Variants in FBP2 observed in about 807,000 individuals in gnomAD.
FBP2 encodes fructose-bisphosphatase 2.
FBP2 carries 27 observed loss-of-function variants against 31.6 expected under a neutral mutation model. That is an observed-to-expected ratio of 0.85 (90% confidence interval 0.63 to 1.18). FBP2 has a LOEUF of 1.18. Ranked by LOEUF, FBP2 falls within the 50% of genes most tolerant of loss-of-function variation. FBP2 has a pLI of 0.00. For synonymous variants in FBP2, 168 were observed against 179.8 expected (o/e 0.93, Z 0.53); for missense variants, 421 against 436.1 (o/e 0.97, Z 0.31).
At position 94,593,689 on chromosome 9, in the gene FBP2, G is replaced by A; in HGVS notation, c.38C>T (p.Thr13Ile). ...CTTTTCCATAACGTAGCGGGTCAGGGTGAGCATGTCGGTTTCGAAGGGGCT... is the reference window on the plus strand; with the variant it reads ...CTTTTCCATAACGTAGCGGGTCAGGATGAGCATGTCGGTTTCGAAGGGGCT... ...DRSPFETDML[T>I]LTRYVMEKGR... Residue 13 changes from threonine to isoleucine, a missense_variant, in exon 1 of 7, where the codon ACC (threonine) becomes ATC (isoleucine). Thr to Ile is a moderately conservative substitution (Grantham distance 89). Coordinates refer to ENST00000375337, the MANE Select transcript of FBP2 (RefSeq NM_003837.4). The A allele has an allele frequency of 2.5e-6, 4 of 1,614,242 alleles. No homozygotes were observed. Among genetic ancestry groups the A allele is most frequent in the Non-Finnish European group, 3.4e-6 (4 of 1,180,028 alleles).
intron 3 of FBP2, 106 bp from the exon 4 acceptor site, chr9:94,571,708 G>C: frequency 9.4e-7 from 1 of 1,062,152 alleles, no homozygotes. Context: ...AGGAAGCGCG[G>C]TTCTTTGAAT....
intron 1 of FBP2, among the ~76,000 whole-genome samples, chr9:94,587,972 C>A (rs1475515146): frequency 6.6e-6 from 1 of 152,188 alleles, no homozygotes; most frequent in Non-Finnish European, 1.5e-5. Flanking sequence ...CCTCAGCCTC[C>A]GGAGTAGCTG....
In FBP2 at chr9:94,593,614, A is replaced by G; in HGVS notation, c.113T>C (p.Met38Thr). 1.2e-6 allele frequency: 2 copies of G among 1,614,172 alleles called. No individual in the cohort carries two copies. The highest frequency in any genetic ancestry group is 1.7e-5 in the Admixed American group (1 of 60,028). Reference protein sequence around the residue: ...TGELTQLLNSMLTAIKAISSA... With the variant: ...TGELTQLLNSTLTAIKAISSA... The stretch of plus-strand genomic sequence containing the variant: ...GGAGATGGCTTTGATGGCCGTCAGC[A>G]TTGAGTTCAGCAGCTGGGTGAGCTC... The change falls in exon 1 of 7, where the codon ATG becomes ACG. Residue 38 changes from methionine to threonine, a missense_variant. Coordinates refer to ENST00000375337, the MANE Select transcript of FBP2 (RefSeq NM_003837.4).
At chr9:94,560,964 G>A (rs1003928151) in intron 6 of FBP2, among the ~76,000 whole-genome samples, 2 of 152,002 alleles carry the variant, frequency 1.3e-5, no homozygotes, top group African/African-American at 4.8e-5. Flanking sequence ...CCAGAAGGGT[G>A]TAAAAAAGTT....
At chr9:94,560,560 C>G (rs913940656) in intron 6 of FBP2, among the ~76,000 whole-genome samples, 5 of 152,080 alleles carry the variant, frequency 3.3e-5, no homozygotes, top group South Asian at 2.1e-4. Flanking sequence ...TCTCCATTAT[C>G]ACCTTACGAA....
chr9:94,569,518 T>TA (rs1346749368), intron 4 of FBP2: 1 of 152,286 alleles, frequency 6.6e-6, no homozygotes, highest in African/African-American at 2.4e-5. Flanking sequence ...GAAAACGCCT[T>TA]ACGTTGATCC....
intron 3 of FBP2, among the ~76,000 whole-genome samples, chr9:94,575,171 C>T (rs1007219950): frequency 5.9e-5 from 9 of 152,042 alleles, no homozygotes; most frequent in Non-Finnish European, 2.9e-5. Flanking sequence ...ATATAATATA[C>T]ACTTATGTGT....
intron 5 of FBP2, among the ~76,000 whole-genome samples, chr9:94,565,712 C>A (rs1035679232): frequency 1.3e-5 from 2 of 149,912 alleles, no homozygotes; most frequent in Admixed American, 1.4e-4. Flanking sequence ...AGAAATCTCT[C>A]AGTTAAAGAT....
At chr9:94,590,398 G>T (rs779215261) in intron 1 of FBP2, among the ~76,000 whole-genome samples, 32 of 151,944 alleles carry the variant, frequency 2.1e-4, no homozygotes, top group African/African-American at 6.5e-4. Context: ...TTGCATTCAC[G>T]GAGCCCTTGC....
In FBP2 at chr9:94,571,571, G is replaced by T. The variant is rs752378188; in HGVS notation, c.458C>A (p.Ala153Asp). Residue 153 changes from alanine to aspartate, a missense_variant, in exon 4 of 7, where the codon GCC becomes GAC. By Grantham distance (126) the Ala-to-Asp change is moderately radical (BLOSUM62 -2). Transcript: ENST00000375337. ...CACAATATTGCGGCCACACTGCAGG[G>T]CATCCTTTTCAGAAGGCTCATCCTC... ...TSEDEPSEKD[A>D]LQCGRNIVAA... The T allele has an allele frequency of 1.2e-6, 2 of 1,613,598 alleles. No homozygotes were observed. The highest frequency in any genetic ancestry group is 1.7e-6 in the Non-Finnish European group (2 of 1,179,694).
At position 94,559,138 on chromosome 9, in the gene FBP2, G is replaced by C; in HGVS notation, c.826-6C>G. The C allele has an allele frequency of 1.2e-6, 2 of 1,606,814 alleles. No homozygotes were observed. The highest frequency in any genetic ancestry group is 2.2e-5 in the South Asian group (2 of 90,744). ...CATTCATACAGGAGCCGGAGCTGTG[G>C]AGGAACAGAGGCAGGTGAGTAAACT... On this transcript the variant is annotated splice_polypyrimidine_tract_variant and splice_region_variant and intron_variant, in intron 6 of 6. Transcript: ENST00000375337.
chr9:94,571,877 C>A (rs1407655360), intron 3 of FBP2, among the ~76,000 whole-genome samples: 2 of 152,140 alleles, frequency 1.3e-5, no homozygotes, highest in Non-Finnish European at 2.9e-5. Context: ...ATGCTAAAAC[C>A]GTAGCCCCTC....
In FBP2 at chr9:94,582,766, T is replaced by C. The variant is rs188477725; in HGVS notation, c.426+1811A>G. On this transcript the variant is annotated intron_variant, in intron 3 of 6. Coordinates refer to ENST00000375337, the MANE Select transcript of FBP2 (RefSeq NM_003837.4). Reference sequence around the variant, plus strand: ...GGTTTCACCATGTTAGCCAGGATGGTCTCGATCTCCTGACCTCGTGATTCG... The same window carrying C: ...GGTTTCACCATGTTAGCCAGGATGGCCTCGATCTCCTGACCTCGTGATTCG... Among the ~76,000 whole-genome samples the C allele has an allele frequency of 1.6e-4, 24 of 151,780 alleles. No homozygotes were observed. The East Asian group carries it at 4.3e-3, about 27-fold the overall frequency.
At chr9:94,582,828 A>G (rs1036048932) in intron 3 of FBP2, among the ~76,000 whole-genome samples, 7 of 147,358 alleles carry the variant, frequency 4.8e-5, no homozygotes, top group Non-Finnish European at 1.0e-4. Flanking sequence ...GATTACAGGC[A>G]TGAGCCACCC....
At chr9:94,563,217 C>T (rs1827134796) in intron 6 of FBP2, 125 bp downstream of exon 6, 4 of 1,101,162 alleles carry the variant, frequency 3.6e-6, no homozygotes, top group Admixed American at 2.9e-5. Context: ...TTCATTTTTC[C>T]TCCCCTGCCC....
At chr9:94,562,104 G>A (rs1827115037) in intron 6 of FBP2, among the ~76,000 whole-genome samples, 1 of 152,012 alleles carries the variant, frequency 6.6e-6, no homozygotes, top group Non-Finnish European at 1.5e-5. Context: ...GAGGTCAGGA[G>A]ATCGAGACCA....
intron 1 of FBP2, among the ~76,000 whole-genome samples, chr9:94,592,627 CA>C (rs1827514726): frequency 6.6e-6 from 1 of 152,192 alleles, no homozygotes; most frequent in South Asian, 2.1e-4. Context: ...CTCCATCTCC[CA>C]GGTTCAAGCG....
At chr9:94,569,931 G>C (rs1827248763) in intron 4 of FBP2, 1 of 152,332 alleles carries the variant, frequency 6.6e-6, no homozygotes, top group East Asian at 1.9e-4. Flanking sequence ...TTCTATCTGT[G>C]ACAACTGCCA....
At chr9:94,561,352 A>ATTTTTTTTTTTTTTTTTTTTTTTTTTT (rs1174386595) in intron 6 of FBP2, among the ~76,000 whole-genome samples, 1 of 54,970 alleles carries the variant, frequency 1.8e-5, no homozygotes, top group African/African-American at 7.8e-5. Flanking sequence ...TGTGACCTGT[A>ATTTTTTTTTTTTTTTTTTTTTTTTTTT]TTTTTTTTTT....
Sources: allele counts gnomAD v4.1 joint callset (sites outside exome capture counted in the v4.1 genomes callset), GRCh38; gene constraint gnomAD v4.1.1; transcripts MANE v1.5; gene names NCBI Gene and HGNC (gene_info 2026-07-23, HGNC 2026-07-21).